Variants in DNASE1 observed in about 807,000 individuals in gnomAD.
DNASE1 encodes deoxyribonuclease 1.
Under a neutral mutation model 33.9 loss-of-function variants are expected in DNASE1, and 40 were observed. The ratio of observed to expected loss-of-function variants is 1.18; its 90% CI spans 0.92 to 1.54. The LOEUF (loss-of-function observed/expected upper bound fraction) is 1.54. Among genes scored for constraint, DNASE1 ranks in the 40% most tolerant of loss-of-function variants. DNASE1 has a pLI of 0.00. For missense variants in DNASE1, 518 were observed against 372.6 expected, an observed-to-expected ratio of 1.39 and a Z score of -3.21; for synonymous variants, 216 against 160.0, an observed-to-expected ratio of 1.35 and a Z score of -2.64.
chr16:3,662,071 C>T (rs755460710), downstream of DNASE1: 28 of 1,613,174 alleles, frequency 1.7e-5, no homozygotes, highest in Non-Finnish European at 2.1e-5. Context: ...CAGGAAGTGG[C>T]GGGCAGCCCC....
In DNASE1 at chr16:3,649,529, G is replaced by A. The variant is rs577783264; in HGVS notation, c.-85-5432G>A. 1.1e-3 allele frequency among the ~76,000 whole-genome samples: 170 copies of A among 152,324 alleles called. 1 individual carries two copies. Among genetic ancestry groups the A allele is most frequent in the African/African-American group, 4.0e-3 (168 of 41,570 alleles). On this transcript the variant is annotated intron_variant, in intron 1 of 9. Transcript: ENST00000407479. ...ACTGAGAATTTCTTTGTGACAGAAC[G>A]TTGAAGCAGTGGTGAATGATGAAGG...
intron 1 of DNASE1, among the ~76,000 whole-genome samples, chr16:3,636,076 G>A (rs2041859235): frequency 6.6e-6 from 1 of 151,944 alleles, no homozygotes; most frequent in Admixed American, 6.6e-5. Flanking sequence ...GCATATTTAT[G>A]CCTTTCTAAT....
intron 1 of DNASE1, among the ~76,000 whole-genome samples, chr16:3,620,695 C>A (rs1001725507): frequency 6.6e-6 from 1 of 151,588 alleles, no homozygotes; most frequent in African/African-American, 2.4e-5. Flanking sequence ...TACTTATAAC[C>A]TGTATGTGTG....
Position 3,655,947 on chromosome 16 carries a change from A to G in DNASE1, c.236+10A>G. ...TGGACAACCTCAATCAGTGGGTGACAGTGGCAGGGTCATAGGAAGGTGACA... is the reference window on the plus strand; with the variant it reads ...TGGACAACCTCAATCAGTGGGTGACGGTGGCAGGGTCATAGGAAGGTGACA... On this transcript the variant is annotated intron_variant, in intron 3 of 8. Coordinates refer to ENST00000246949, the MANE Select transcript of DNASE1 (RefSeq NM_005223.4). 5 of 1,613,630 alleles carry G rather than the reference A, an allele frequency of 3.1e-6. No homozygotes were observed. The highest frequency in any genetic ancestry group is 4.2e-6 in the Non-Finnish European group (5 of 1,179,666).
At chr16:3,659,602 A>G (rs929758731), downstream of DNASE1, 4 of 152,196 alleles carry the variant, frequency 2.6e-5, no homozygotes, top group African/African-American at 9.6e-5. Flanking sequence ...TTCACTTAGA[A>G]GTCTGATAAA....
intron 1 of DNASE1, among the ~76,000 whole-genome samples, chr16:3,636,624 C>A (rs965461219): frequency 1.3e-5 from 2 of 151,552 alleles, no homozygotes; most frequent in Admixed American, 1.3e-4. Context: ...GAGTTCAAGA[C>A]CAGCCTGGGC....
At chr16:3,629,647 G>A (rs2041634542) in intron 1 of DNASE1, among the ~76,000 whole-genome samples, 2 of 152,154 alleles carry the variant, frequency 1.3e-5, no homozygotes, top group South Asian at 2.1e-4. Context: ...TTTTGAGAAG[G>A]GTTGGTACTA....
At chr16:3,652,341 G>C (rs1020087204), upstream of DNASE1, 1 of 152,414 alleles carries the variant, frequency 6.6e-6, no homozygotes, top group South Asian at 2.1e-4. Context: ...TCTTGGTGGA[G>C]GACAGTGGCC....
downstream of DNASE1, chr16:3,662,488 G>T (rs994369610): frequency 9.2e-5 from 48 of 519,952 alleles, 1 homozygote; most frequent in Non-Finnish European, 2.5e-5. Context: ...TAGACAGGTT[G>T]GTGGGGGGAG....
intron 1 of DNASE1, among the ~76,000 whole-genome samples, chr16:3,623,901 AAAAC>A (rs1276415422): frequency 6.6e-6 from 1 of 152,222 alleles, no homozygotes; most frequent in Non-Finnish European, 1.5e-5. Flanking sequence ...AAAAAGTCAA[AAAAC>A]AACAGATGTT....
chr16:3,622,863 G>A (rs2041371427), intron 1 of DNASE1, among the ~76,000 whole-genome samples: 2 of 152,012 alleles, frequency 1.3e-5, no homozygotes, highest in South Asian at 2.1e-4. Flanking sequence ...TCACCTTTAC[G>A]TTCTCTTAAT....
At chr16:3,658,456 G>C (rs189951143), downstream of DNASE1, 1 of 585,324 alleles carries the variant, frequency 1.7e-6, no homozygotes, top group Non-Finnish European at 3.0e-6. Context: ...GGCTGGGCAC[G>C]GTGGCTCACG....
intron 1 of DNASE1, among the ~76,000 whole-genome samples, chr16:3,619,357 CTTTT>C (rs1371666159): frequency 1.4e-5 from 2 of 141,972 alleles, no homozygotes; most frequent in Admixed American, 7.2e-5. Context: ...TTCTTTCTTT[CTTTT>C]ATTTTTTATT....
chr16:3,612,997 C>T (rs564943900), intron 1 of DNASE1, among the ~76,000 whole-genome samples: 1 of 152,238 alleles, frequency 6.6e-6, no homozygotes, highest in East Asian at 1.9e-4. Flanking sequence ...TTAAAAGATA[C>T]AGTATCATAA....
At chr16:3,631,784 A>C (rs2041709599) in intron 1 of DNASE1, among the ~76,000 whole-genome samples, 1 of 152,154 alleles carries the variant, frequency 6.6e-6, no homozygotes, top group Non-Finnish European at 1.5e-5. Flanking sequence ...CGGCCTCCCA[A>C]AGTGCTGAGA....
downstream of DNASE1, chr16:3,661,876 T>C (rs1225825485): frequency 1.3e-5 from 17 of 1,358,332 alleles, no homozygotes; most frequent in Non-Finnish European, 9.7e-7. Context: ...TACCCACATG[T>C]CCACAGGCCT....
At chr16:3,615,950 G>C (rs1366217719) in intron 1 of DNASE1, among the ~76,000 whole-genome samples, 2 of 152,184 alleles carry the variant, frequency 1.3e-5, no homozygotes, top group East Asian at 3.8e-4. Context: ...CCTTTATCTT[G>C]ACAGGGGTTG....
chr16:3,612,550 T>G (rs1197188440), intron 1 of DNASE1, among the ~76,000 whole-genome samples: 2 of 87,070 alleles, frequency 2.3e-5, no homozygotes, highest in Non-Finnish European at 4.9e-5. Flanking sequence ...CGCTCACGGC[T>G]TTTTTTTTTT....
At chr16:3,613,108 C>T (rs527386253) in intron 1 of DNASE1, among the ~76,000 whole-genome samples, 13 of 152,242 alleles carry the variant, frequency 8.5e-5, no homozygotes, top group African/African-American at 2.6e-4. Context: ...CAAATCGAAC[C>T]TGCCGTACCC....
Sources: allele counts gnomAD v4.1 joint callset (sites outside exome capture counted in the v4.1 genomes callset), GRCh38; gene constraint gnomAD v4.1.1; transcripts MANE v1.5; gene names NCBI Gene and HGNC (gene_info 2026-07-23, HGNC 2026-07-21).